ZSCAN25: variants seen among roughly 807,000 people sequenced by gnomAD.
The protein encoded by ZSCAN25 is zinc finger and SCAN domain containing 25.
A neutral mutation model predicts 38.7 loss-of-function variants in ZSCAN25; 27 were observed. The ratio of observed to expected loss-of-function variants is 0.70; its 90% CI spans 0.51 to 0.96. ZSCAN25 has a LOEUF of 0.96. Ranked by LOEUF, ZSCAN25 falls within the 40% of genes least tolerant of loss-of-function variation. The probability of loss-of-function intolerance (pLI) is 0.00; values close to 1 mark genes in which losing one functional copy is unlikely to be tolerated. For missense variants in ZSCAN25, 637 were observed against 705.9 expected, an observed-to-expected ratio of 0.90 and a Z score of 1.11; for synonymous variants, 273 against 277.7, an observed-to-expected ratio of 0.98 and a Z score of 0.17.
intron 7 of ZSCAN25, among the ~76,000 whole-genome samples, chr7:99,625,132 G>A (rs1807362271): frequency 6.6e-6 from 1 of 152,096 alleles, no homozygotes; most frequent in Non-Finnish European, 1.5e-5. Context: ...CCCTGACCTT[G>A]AGCATCTCCC....
At position 99,629,959 on chromosome 7, in the gene ZSCAN25, A is replaced by G; in HGVS notation, c.1574A>G (p.Gln525Arg). 1 of 1,611,454 alleles carries G rather than the reference A, an allele frequency of 6.2e-7. No individual in the cohort carries two copies. The highest frequency in any genetic ancestry group is 8.5e-7 in the Non-Finnish European group (1 of 1,178,632). ...HCPACGRSFN[Q>R]RSILNRHQKT... ...CCTGCCTGCGGGCGAAGCTTCAACCAGAGGTCCATCCTCAACCGGCACCAG... is the reference window on the plus strand; with the variant it reads ...CCTGCCTGCGGGCGAAGCTTCAACCGGAGGTCCATCCTCAACCGGCACCAG... Residue 525 changes from glutamine to arginine, a missense_variant, in exon 8 of 8, where the codon CAG becomes CGG. Physicochemically the swap from Gln to Arg is conservative, Grantham distance 43. Transcript: ENST00000394152. The surrounding 1 kb of genome is among the most constrained non-coding windows in gnomAD (Gnocchi z 5.6).
At chr7:99,634,792 G>A (rs1291301435), downstream of ZSCAN25, among the ~76,000 whole-genome samples, 3 of 151,924 alleles carry the variant, frequency 2.0e-5, no homozygotes, top group Admixed American at 6.6e-5. Context: ...GTGAGACTCC[G>A]TCTCAAAAAC....
the ZSCAN25 span, chr7:99,666,678 G>T: frequency 2.5e-6 from 4 of 1,613,980 alleles, no homozygotes; most frequent in Admixed American, 5.0e-5. Context: ...ACTGGGCAAT[G>T]ATGGGGAACA....
At chr7:99,730,922 T>G in the ZSCAN25 span, 3 of 1,196,094 alleles carry the variant, frequency 2.5e-6, no homozygotes, top group Non-Finnish European at 3.5e-6. Flanking sequence ...TTTGCCACGC[T>G]CTGGGTGATG....
the ZSCAN25 span, among the ~76,000 whole-genome samples, chr7:99,677,669 G>T: frequency 6.6e-6 from 1 of 152,196 alleles, no homozygotes; most frequent in South Asian, 2.1e-4. Flanking sequence ...GCATGAGCAG[G>T]CCCAGTCATA....
At chr7:99,700,186 C>T in the ZSCAN25 span, among the ~76,000 whole-genome samples, 1 of 152,210 alleles carries the variant, frequency 6.6e-6, no homozygotes, top group East Asian at 1.9e-4. Flanking sequence ...GGAGGCGGGG[C>T]TGCAGCTGCA....
At chr7:99,645,181 G>C in the ZSCAN25 span, among the ~76,000 whole-genome samples, 1 of 152,190 alleles carries the variant, frequency 6.6e-6, no homozygotes, top group Non-Finnish European at 1.5e-5. Context: ...AGTAGAGATG[G>C]GGTTTCACCA....
At chr7:99,710,032 G>A in the ZSCAN25 span, among the ~76,000 whole-genome samples, 1 of 152,102 alleles carries the variant, frequency 6.6e-6, no homozygotes, top group Non-Finnish European at 1.5e-5. Context: ...TGCTGAAACA[G>A]TCTCCTAGTT....
the ZSCAN25 span, among the ~76,000 whole-genome samples, chr7:99,725,123 G>T: frequency 1.3e-5 from 2 of 152,114 alleles, no homozygotes; most frequent in African/African-American, 4.8e-5. Context: ...AGCATACAAG[G>T]CTGTTAATTA....
At chr7:99,663,670 C>T in the ZSCAN25 span, 2 of 1,026,028 alleles carry the variant, frequency 1.9e-6, no homozygotes, top group Admixed American at 5.6e-5. Flanking sequence ...AAACAGGAAA[C>T]TTTATCCTTT....
At chr7:99,641,844 A>G in the ZSCAN25 span, among the ~76,000 whole-genome samples, 15 of 152,250 alleles carry the variant, frequency 9.9e-5, no homozygotes, top group Non-Finnish European at 1.9e-4. Flanking sequence ...TCTTCTCCCT[A>G]GACTTTGTCA....
the ZSCAN25 span, among the ~76,000 whole-genome samples, chr7:99,681,954 GTTTTGTTTTTTGTTT>G: frequency 1.3e-5 from 2 of 152,026 alleles, no homozygotes; most frequent in East Asian, 1.9e-4. Context: ...TCAGATTTCA[GTTTTGTTTTTTGTTT>G]TTTTGTTTTT....
At chr7:99,690,611 C>A in the ZSCAN25 span, among the ~76,000 whole-genome samples, 1 of 151,646 alleles carries the variant, frequency 6.6e-6, no homozygotes, top group Non-Finnish European at 1.5e-5. Context: ...AAAAAAACAA[C>A]CCCATCAACA....
the ZSCAN25 span, chr7:99,666,481 A>G: frequency 1.8e-6 from 2 of 1,101,414 alleles, no homozygotes; most frequent in Non-Finnish European, 2.7e-6. Context: ...TTGGAGTTGC[A>G]GCGCTGCCCT....
At chr7:99,709,719 T>C in the ZSCAN25 span, among the ~76,000 whole-genome samples, 1 of 152,230 alleles carries the variant, frequency 6.6e-6, no homozygotes, top group Non-Finnish European at 1.5e-5. Context: ...TTCATAACTC[T>C]TTTTGTTATA....
intron 5 of ZSCAN25, 65 bp downstream of exon 5, chr7:99,621,639 T>G: frequency 1.5e-5 from 18 of 1,240,842 alleles, no homozygotes; most frequent in Non-Finnish European, 1.7e-5. Flanking sequence ...GCCAACTCTC[T>G]TCAGAAACCC....
chr7:99,720,520 G>A, the ZSCAN25 span: 4 of 1,197,110 alleles, frequency 3.3e-6, no homozygotes, highest in Admixed American at 1.8e-5. Context: ...TCCTCTAGAT[G>A]TACAATACAC....
At chr7:99,715,707 G>A in the ZSCAN25 span, 5 of 1,612,388 alleles carry the variant, frequency 3.1e-6, no homozygotes, top group Non-Finnish European at 4.2e-6. Context: ...TCTCAATAAA[G>A]CAGTTATTTT....
the ZSCAN25 span, among the ~76,000 whole-genome samples, chr7:99,713,954 C>T: frequency 6.6e-6 from 1 of 152,154 alleles, no homozygotes; most frequent in Non-Finnish European, 1.5e-5. Flanking sequence ...ACCTGGGTTA[C>T]CCCTTCTTGC....
Sources: allele counts gnomAD v4.1 joint callset (sites outside exome capture counted in the v4.1 genomes callset), GRCh38; gene constraint gnomAD v4.1.1; non-coding constraint Gnocchi (gnomAD v3.1); transcripts MANE v1.5; gene names NCBI Gene and HGNC (gene_info 2026-07-23, HGNC 2026-07-21).